TENM3: variants seen among roughly 807,000 people sequenced by gnomAD.
TENM3 encodes the protein teneurin-3.
A neutral mutation model predicts 255.1 loss-of-function variants in TENM3; 63 were observed. The observed-to-expected ratio is 0.25, with a 90% CI of 0.20 to 0.30. TENM3 has a LOEUF of 0.30. Among genes scored for constraint, TENM3 ranks in the 10% least tolerant of loss-of-function variants. TENM3 has a pLI of 1.00. For synonymous variants in TENM3, 1,306 were observed against 1,322.3 expected, an observed-to-expected ratio of 0.99 and a Z score of 0.27; for missense variants, 2,929 against 3,461.1, an observed-to-expected ratio of 0.85 and a Z score of 3.86.
intron 5 of TENM3, among the ~76,000 whole-genome samples, chr4:182,635,146 A>G (rs1270248636): frequency 6.6e-6 from 1 of 152,232 alleles, no homozygotes; most frequent in African/African-American, 2.4e-5. Flanking sequence ...TTTAAGGAAC[A>G]CTAGAGAAAA....
the TENM3 span, among the ~76,000 whole-genome samples, chr4:181,932,663 G>A: frequency 1.3e-5 from 2 of 152,076 alleles, no homozygotes; most frequent in African/African-American, 4.8e-5. Flanking sequence ...CCCATTACTG[G>A]GTGTATACCC....
the TENM3 span, among the ~76,000 whole-genome samples, chr4:181,514,786 C>T: frequency 6.6e-6 from 1 of 152,154 alleles, no homozygotes; most frequent in Non-Finnish European, 1.5e-5. Context: ...AACATTCTGA[C>T]ATTTATTATT....
chr4:182,155,093 A>C (rs958797974), intron 1 of TENM3, among the ~76,000 whole-genome samples: 1 of 152,158 alleles, frequency 6.6e-6, no homozygotes, highest in African/African-American at 2.4e-5. Flanking sequence ...ATACAAGACA[A>C]TTGGTTCTAT....
chr4:182,254,888 A>C (rs1758277393), intron 1 of TENM3, among the ~76,000 whole-genome samples: 1 of 151,392 alleles, frequency 6.6e-6, no homozygotes, highest in South Asian at 2.1e-4. Context: ...GTCAGCAAAA[A>C]ACAAAAAACA....
the TENM3 span, among the ~76,000 whole-genome samples, chr4:181,570,144 C>T: frequency 6.8e-6 from 1 of 147,812 alleles, no homozygotes; most frequent in African/African-American, 2.6e-5. Flanking sequence ...CTCCCGGGTT[C>T]ACGCCATTCT....
chr4:181,735,916 G>C, the TENM3 span, among the ~76,000 whole-genome samples: 1 of 152,282 alleles, frequency 6.6e-6, no homozygotes, highest in African/African-American at 2.4e-5. Context: ...ACTTCCAGGA[G>C]TCCCAGTTTC....
At chr4:182,021,855 A>G in the TENM3 span, among the ~76,000 whole-genome samples, 2 of 152,192 alleles carry the variant, frequency 1.3e-5, no homozygotes, top group African/African-American at 4.8e-5. Context: ...CTTTCTAATC[A>G]GAAAAAAACT....
Position 182,688,340 on chromosome 4 carries a change from A to T in TENM3, c.2210A>T (p.His737Leu). Residue 737 changes from histidine to leucine, a missense_variant, in exon 12 of 28, where the codon CAC becomes CTC. This residue lies in a region of TENM3 where 1,608 missense variants were observed against 1,884.4 expected (regional missense o/e 0.85). Coordinates refer to ENST00000511685, the MANE Select transcript of TENM3 (RefSeq NM_001080477.4). ...TGCAGCCAGGGCTGGAATGGAGAGC[A>T]CTGCACTATCGGTAGGCTTACTGCA... is the stretch of plus-strand genomic sequence containing the variant. ...CECSQGWNGE[H>L]CTIEGCPGLC... 1.2e-6 allele frequency: 2 copies of T among 1,609,990 alleles called. No individual in the cohort carries two copies. Among genetic ancestry groups the T allele is most frequent in the Middle Eastern group, 1.7e-4 (1 of 6,046 alleles).
chr4:181,494,112 G>A, the TENM3 span, among the ~76,000 whole-genome samples: 1 of 151,980 alleles, frequency 6.6e-6, no homozygotes, highest in Non-Finnish European at 1.5e-5. Flanking sequence ...ACTTGTCAAG[G>A]GTTATACACC....
chr4:182,174,539 C>T (rs1048667056), intron 1 of TENM3, among the ~76,000 whole-genome samples: 20 of 146,982 alleles, frequency 1.4e-4, no homozygotes, highest in Non-Finnish European at 1.5e-5. Flanking sequence ...CACAAACACA[C>T]ACTTTAACAG....
intron 3 of TENM3, among the ~76,000 whole-genome samples, chr4:182,397,248 C>G (rs546256918): frequency 2.5e-4 from 35 of 139,966 alleles, no homozygotes; most frequent in African/African-American, 9.2e-4. Flanking sequence ...AAAAAAAAAT[C>G]AAATTAGCTG....
chr4:181,771,914 T>G, the TENM3 span, among the ~76,000 whole-genome samples: 2 of 152,240 alleles, frequency 1.3e-5, no homozygotes, highest in African/African-American at 2.4e-5. Flanking sequence ...GCAAAACATC[T>G]GGGCTGGCTA....
At chr4:182,618,946 T>TG (rs139931283) in intron 4 of TENM3, among the ~76,000 whole-genome samples, 24,307 of 150,530 alleles carry the variant, frequency 0.16, 2,282 homozygotes, top group South Asian at 0.21. Flanking sequence ...TACTCGGGGG[T>TG]GGGGGTTGGG....
chr4:182,744,020 A>G, intron 19 of TENM3: 2 of 641,502 alleles, frequency 3.1e-6, no homozygotes, highest in Non-Finnish European at 3.9e-6. Context: ...CAAGTTGGCA[A>G]TTTTCCATAC....
At chr4:181,552,744 G>T in the TENM3 span, among the ~76,000 whole-genome samples, 2 of 152,252 alleles carry the variant, frequency 1.3e-5, no homozygotes, top group Non-Finnish European at 2.9e-5. Flanking sequence ...GACAGAAACA[G>T]TAGTAGGAGT....
At chr4:182,009,833 C>T in the TENM3 span, among the ~76,000 whole-genome samples, 1 of 152,228 alleles carries the variant, frequency 6.6e-6, no homozygotes, top group African/African-American at 2.4e-5. Context: ...GCCCCGGTGG[C>T]CTGGGTTCGC....
At chr4:181,970,112 A>G in the TENM3 span, among the ~76,000 whole-genome samples, 1 of 152,234 alleles carries the variant, frequency 6.6e-6, no homozygotes, top group Non-Finnish European at 1.5e-5. Flanking sequence ...TTCATCTCAA[A>G]TATTTGTTTA....
the TENM3 span, among the ~76,000 whole-genome samples, chr4:181,888,494 G>GTATATATATGTGTATATATATATATATA: frequency 3.5e-5 from 1 of 28,242 alleles, no homozygotes; most frequent in African/African-American, 1.7e-4. Context: ...ATAGAAATGT[G>GTATATATATGTGTATATATATATATATA]TATATATATA....
At chr4:181,831,968 T>TTGTGTGTGTG in the TENM3 span, among the ~76,000 whole-genome samples, 5,908 of 132,594 alleles carry the variant, frequency 0.045, 179 homozygotes, top group South Asian at 0.055. Flanking sequence ...ATATATTACA[T>TTGTGTGTGTG]TGTGTGTGTG....
Sources: allele counts gnomAD v4.1 joint callset (sites outside exome capture counted in the v4.1 genomes callset), GRCh38; gene constraint gnomAD v4.1.1; regional missense constraint gnomAD v4.1.1; transcripts MANE v1.5; gene names NCBI Gene and HGNC (gene_info 2026-07-23, HGNC 2026-07-21).